BICD1: variants seen among roughly 807,000 people sequenced by gnomAD.
The protein encoded by BICD1 is BICD cargo adaptor 1, also known as protein bicaudal D homolog 1.
A neutral mutation model predicts 92.5 loss-of-function variants in BICD1; 35 were observed. The ratio of observed to expected loss-of-function variants is 0.38; its 90% CI spans 0.29 to 0.50. BICD1 has a LOEUF of 0.50. Among genes scored for constraint, BICD1 ranks in the 20% least tolerant of loss-of-function variants. The probability of loss-of-function intolerance (pLI) is 0.93; values close to 1 mark genes in which losing one functional copy is unlikely to be tolerated. For missense variants in BICD1, 950 were observed against 1,189.8 expected (o/e 0.80, Z 2.97); for synonymous variants, 429 against 465.1 (o/e 0.92, Z 1.00).
chr12:32,306,127 G>C lies in BICD1; in HGVS notation c.1005+5G>C, dbSNP rs984671151. On this transcript the variant is annotated splice_donor_5th_base_variant and intron_variant, in intron 4 of 9. Transcript: ENST00000652176. ...TTGAAGCAGCAGCTTATGCAGGTAA[G>C]AACTTTGTTTAGGGCCGCTAGAGTG... 6.3e-7 allele frequency: 1 copy of C among 1,576,730 alleles called. No individual in the cohort carries two copies. Among genetic ancestry groups the C allele is most frequent in the African/African-American group, 1.4e-5 (1 of 73,410 alleles).
intron 3 of BICD1, among the ~76,000 whole-genome samples, chr12:32,295,446 CAGACACA>C: frequency 6.6e-6 from 1 of 152,066 alleles, no homozygotes; most frequent in East Asian, 1.9e-4. Context: ...CTAGGTTGGA[CAGACACA>C]AGAATCCATA....
intron 2 of BICD1, among the ~76,000 whole-genome samples, chr12:32,255,677 C>T (rs919913748): frequency 1.3e-5 from 2 of 152,188 alleles, no homozygotes; most frequent in African/African-American, 4.8e-5. Context: ...CTGCTTTCTC[C>T]CTTAGGGCCT....
intron 1 of BICD1, among the ~76,000 whole-genome samples, chr12:32,140,840 A>T (rs1026197952): frequency 6.6e-6 from 1 of 152,120 alleles, no homozygotes; most frequent in East Asian, 1.9e-4. Context: ...CTAAAAAAAA[A>T]ACAAAGGACA....
chr12:32,327,233 C>T (rs988505588), intron 4 of BICD1, among the ~76,000 whole-genome samples: 19 of 152,184 alleles, frequency 1.2e-4, no homozygotes, highest in South Asian at 4.1e-4. Flanking sequence ...ATGATACAAG[C>T]GAAATTGATG....
At chr12:32,184,998 T>A (rs1016875659) in intron 1 of BICD1, among the ~76,000 whole-genome samples, 3 of 152,190 alleles carry the variant, frequency 2.0e-5, no homozygotes, top group African/African-American at 7.2e-5. Context: ...TTCTTTACCC[T>A]TTTATGTACC....
chr12:32,176,300 T>G (rs1944087776), intron 1 of BICD1, among the ~76,000 whole-genome samples: 2 of 152,218 alleles, frequency 1.3e-5, no homozygotes, highest in Admixed American at 1.3e-4. Flanking sequence ...CAAACTATTT[T>G]CCAAAGTGGC....
intron 2 of BICD1, among the ~76,000 whole-genome samples, chr12:32,266,104 C>T (rs1946989326): frequency 6.6e-6 from 1 of 152,140 alleles, no homozygotes; most frequent in Non-Finnish European, 1.5e-5. Context: ...GACACGATTT[C>T]TATTTAGGTC....
At chr12:32,344,068 AT>A (rs1234012509) in intron 8 of BICD1, among the ~76,000 whole-genome samples, 1 of 152,248 alleles carries the variant, frequency 6.6e-6, no homozygotes, top group Non-Finnish European at 1.5e-5. Context: ...ATACAATGAT[AT>A]TCAAATAAAA....
At chr12:32,332,852 G>T in intron 5 of BICD1, 17 of 985,226 alleles carry the variant, frequency 1.7e-5, no homozygotes, top group Non-Finnish European at 2.0e-5. Flanking sequence ...CTATGTGGCT[G>T]GAAATAAGAC....
intron 1 of BICD1, among the ~76,000 whole-genome samples, chr12:32,160,027 C>A (rs1943555041): frequency 6.6e-6 from 1 of 152,160 alleles, no homozygotes; most frequent in Admixed American, 6.5e-5. Flanking sequence ...AATTTCTCAC[C>A]CACAAAATAG....
intron 1 of BICD1, among the ~76,000 whole-genome samples, chr12:32,167,479 G>A (rs963439644): frequency 5.9e-5 from 9 of 151,882 alleles, no homozygotes; most frequent in East Asian, 1.9e-4. Context: ...TTTTTGAGAC[G>A]GAGTCTTGCA....
chr12:32,252,772 C>G (rs1383431725), intron 2 of BICD1, among the ~76,000 whole-genome samples: 1 of 152,156 alleles, frequency 6.6e-6, no homozygotes, highest in Non-Finnish European at 1.5e-5. Flanking sequence ...TTATAGCTAT[C>G]ATTAATCTTG....
chr12:32,167,681 C>G (rs183541079), intron 1 of BICD1, among the ~76,000 whole-genome samples: 4 of 152,290 alleles, frequency 2.6e-5, no homozygotes, highest in African/African-American at 9.6e-5. Flanking sequence ...GTCTCAAACT[C>G]CTGACCTCAG....
intron 5 of BICD1, among the ~76,000 whole-genome samples, 154 bp from the exon 6 acceptor site, chr12:32,334,360 CCT>C (rs771602160): frequency 2.0e-5 from 3 of 152,204 alleles, no homozygotes; most frequent in Admixed American, 6.5e-5. Flanking sequence ...GAAAAACTTC[CCT>C]GTGTCCAAAG....
rs189257311 is a variant in BICD1 at position 32,156,224 on chromosome 12, G to A, written c.213+48680G>A. 2.1e-3 allele frequency among the ~76,000 whole-genome samples: 323 copies of A among 152,266 alleles called. 2 individuals carry two copies. Among genetic ancestry groups the A allele is most frequent in the African/African-American group, 7.4e-3 (308 of 41,554 alleles). ...ACATAGATATTATTGCTCCTCCAGC[G>A]TTTCATATGCAGTGTCAAGGCACGC... On this transcript the variant is annotated intron_variant, in intron 1 of 9. Coordinates refer to ENST00000652176, the MANE Select transcript of BICD1 (RefSeq NM_001714.4).
chr12:32,204,484 GT>G (rs1944993791), intron 1 of BICD1, among the ~76,000 whole-genome samples: 2 of 152,136 alleles, frequency 1.3e-5, no homozygotes, highest in Non-Finnish European at 2.9e-5. Context: ...AAATTTTTAA[GT>G]CTTAACAAAC....
chr12:32,186,698 T>C (rs1296786006), intron 1 of BICD1, among the ~76,000 whole-genome samples: 1 of 152,242 alleles, frequency 6.6e-6, no homozygotes, highest in African/African-American at 2.4e-5. Context: ...TTGTGGTCTT[T>C]AATGATGTAA....
intron 1 of BICD1, among the ~76,000 whole-genome samples, chr12:32,145,170 C>G (rs1281458371): frequency 6.6e-6 from 1 of 150,632 alleles, no homozygotes; most frequent in East Asian, 1.9e-4. Context: ...TGATAAGGGA[C>G]AGAATAAATA....
At chr12:32,256,065 C>G (rs1050562347) in intron 2 of BICD1, among the ~76,000 whole-genome samples, 6 of 151,612 alleles carry the variant, frequency 4.0e-5, no homozygotes, top group Admixed American at 2.6e-4. Flanking sequence ...ATTTTTTATT[C>G]TTTTAGAGGT....
Sources: allele counts gnomAD v4.1 joint callset (sites outside exome capture counted in the v4.1 genomes callset), GRCh38; gene constraint gnomAD v4.1.1; transcripts MANE v1.5; gene names NCBI Gene and HGNC (gene_info 2026-07-23, HGNC 2026-07-21).